Variants in PRKN observed in about 807,000 individuals in gnomAD.
PRKN encodes the protein parkin RBR E3 ubiquitin protein ligase.
PRKN carries 56 observed loss-of-function variants against 59.5 expected under a neutral mutation model. The ratio of observed to expected loss-of-function variants is 0.94; its 90% CI spans 0.76 to 1.18. The LOEUF is 1.18. Ranked by LOEUF, PRKN falls within the 50% of genes most tolerant of loss-of-function variation. The probability of loss-of-function intolerance (pLI) is 0.00; values close to 1 mark genes in which losing one functional copy is unlikely to be tolerated. For missense variants in PRKN, 657 were observed against 596.4 expected, an observed-to-expected ratio of 1.10 and a Z score of -1.06; for synonymous variants, 250 against 222.1, an observed-to-expected ratio of 1.13 and a Z score of -1.12.
chr6:162,205,786 C>G (rs981679879), intron 3 of PRKN, among the ~76,000 whole-genome samples: 4 of 152,130 alleles, frequency 2.6e-5, no homozygotes, highest in South Asian at 2.1e-4. Flanking sequence ...TAGCCATTAG[C>G]TACAACTACC....
At position 162,054,030 on chromosome 6, in the gene PRKN, A is replaced by G. The variant is rs113199678; in HGVS notation, c.618+61T>C. ...GACATTTTGTCTCTAATTTCCTGGC[A>G]AACAGTGAAGATGTCATCATTTTCT... On this transcript the variant is annotated intron_variant, in intron 5 of 11. Transcript: ENST00000366898. The G allele has an allele frequency of 2.2e-4, 241 of 1,089,892 alleles. No individual in the cohort carries two copies. In the African/African-American group the frequency reaches 3.3e-3, roughly 15 times the overall value. The allele number at this position is 1,089,892 out of a possible 1,614,324, so 67.5% of individuals were successfully genotyped here. A position where few individuals can be genotyped will look rare whatever the true frequency, so the allele number is the denominator to read the frequency against.
rs1777439833 is a variant in PRKN, at chr6:161,488,852, C to T, written c.1083+60002G>A. ...TAGGGGACCATGAAAGAAAACAGTA[C>T]ATTAACCAGGAAAAGGATGGCTGAT... On this transcript the variant is annotated intron_variant, in intron 9 of 11. Transcript: ENST00000366898. The surrounding 1 kb of genome is among the most constrained non-coding windows in gnomAD (Gnocchi z 4.5). 6.6e-6 allele frequency among the ~76,000 whole-genome samples: 1 copy of T among 152,078 alleles called. No individual in the cohort carries two copies. The highest frequency in any genetic ancestry group is 2.4e-5 in the African/African-American group (1 of 41,400).
intron 4 of PRKN, among the ~76,000 whole-genome samples, chr6:162,154,638 A>G (rs1183805193): frequency 6.6e-6 from 1 of 152,172 alleles, no homozygotes; most frequent in Non-Finnish European, 1.5e-5. Context: ...TTGCCTTGGT[A>G]CTAGTCACTA....
At chr6:162,524,657 C>A (rs972043782) in intron 1 of PRKN, among the ~76,000 whole-genome samples, 6 of 152,080 alleles carry the variant, frequency 3.9e-5, no homozygotes, top group Non-Finnish European at 8.8e-5. Context: ...ATTCATTTAC[C>A]AGCACCTAAA....
chr6:162,195,002 T>C (rs1784435086), intron 4 of PRKN, among the ~76,000 whole-genome samples: 1 of 152,146 alleles, frequency 6.6e-6, no homozygotes, highest in African/African-American at 2.4e-5. Flanking sequence ...AGGGCGACAG[T>C]GAACACGGGG....
chr6:162,354,441 C>T (rs1334072943), intron 2 of PRKN, among the ~76,000 whole-genome samples: 1 of 152,014 alleles, frequency 6.6e-6, no homozygotes, highest in East Asian at 1.9e-4. Flanking sequence ...CCTTCTAACT[C>T]TAAATGAGTA....
intron 9 of PRKN, among the ~76,000 whole-genome samples, chr6:161,426,978 C>A (rs1048739857): frequency 1.8e-4 from 28 of 152,054 alleles, no homozygotes; most frequent in African/African-American, 6.8e-4. Flanking sequence ...CTCAGCCTCC[C>A]AAAGTGCTGG....
intron 5 of PRKN, among the ~76,000 whole-genome samples, chr6:162,029,761 TAAC>T (rs1243701045): frequency 6.6e-6 from 1 of 152,226 alleles, no homozygotes; most frequent in Non-Finnish European, 1.5e-5. Context: ...TGGAAGGTGT[TAAC>T]AACTCCTTCC....
chr6:161,607,595 T>C (rs1447141535), intron 7 of PRKN, among the ~76,000 whole-genome samples: 1 of 152,110 alleles, frequency 6.6e-6, no homozygotes, highest in Non-Finnish European at 1.5e-5. Context: ...TGGAGAAATC[T>C]CTTTGAAAGA....
At chr6:161,727,893 T>A (rs936681624) in intron 7 of PRKN, among the ~76,000 whole-genome samples, 1 of 152,224 alleles carries the variant, frequency 6.6e-6, no homozygotes, top group Admixed American at 6.5e-5. Context: ...AAGATTAATT[T>A]AATGAAAAGA....
At chr6:162,005,120 G>A (rs1287868720) in intron 5 of PRKN, among the ~76,000 whole-genome samples, 1 of 152,130 alleles carries the variant, frequency 6.6e-6, no homozygotes, top group African/African-American at 2.4e-5. Context: ...TAAAAATCGA[G>A]CTAACGTTTA....
chr6:161,759,348 T>G (rs1477764625), intron 7 of PRKN, among the ~76,000 whole-genome samples: 1 of 152,070 alleles, frequency 6.6e-6, no homozygotes, highest in Non-Finnish European at 1.5e-5. Context: ...GTTGGTAGAA[T>G]GCATTGGATT....
At chr6:162,224,554 GAAGGAC>G (rs1778083054) in intron 3 of PRKN, among the ~76,000 whole-genome samples, 1 of 152,170 alleles carries the variant, frequency 6.6e-6, no homozygotes, top group Admixed American at 6.5e-5. Flanking sequence ...TGCATGTGGG[GAAGGAC>G]AAGTTGGAGA....
intron 4 of PRKN, among the ~76,000 whole-genome samples, chr6:162,063,534 G>A (rs1283696661): frequency 1.3e-5 from 2 of 152,094 alleles, no homozygotes; most frequent in South Asian, 2.1e-4. Flanking sequence ...CTTTGAAAAC[G>A]GTTTTGGAAT....
chr6:162,272,552 G>A (rs141045145), intron 2 of PRKN, among the ~76,000 whole-genome samples: 1 of 152,074 alleles, frequency 6.6e-6, no homozygotes, highest in African/African-American at 2.4e-5. Flanking sequence ...ACTCAGGCAC[G>A]TCGGGGAGGT....
chr6:162,198,635 G>A (rs533218268), intron 4 of PRKN, among the ~76,000 whole-genome samples: 1 of 151,968 alleles, frequency 6.6e-6, no homozygotes, highest in South Asian at 2.1e-4. Context: ...TTACCAAGTT[G>A]GCATAGGTAA....
At chr6:162,108,540 C>T (rs1458523226) in intron 4 of PRKN, among the ~76,000 whole-genome samples, 3 of 152,060 alleles carry the variant, frequency 2.0e-5, no homozygotes, top group Non-Finnish European at 4.4e-5. Context: ...GAACTCAAAT[C>T]GCAGAGTATT....
intron 4 of PRKN, among the ~76,000 whole-genome samples, chr6:162,131,559 G>C (rs534568946): frequency 1.4e-3 from 212 of 152,260 alleles, no homozygotes; most frequent in Middle Eastern, 3.4e-3. Flanking sequence ...ATAAGATCCA[G>C]GAATGAAATA....
chr6:161,729,942 TTTCTGATGTGTTGCA>T (rs1396685360), intron 7 of PRKN, among the ~76,000 whole-genome samples: 1 of 152,236 alleles, frequency 6.6e-6, no homozygotes, highest in African/African-American at 2.4e-5. Context: ...TGTTGCATTC[TTTCTGATGTGTTGCA>T]TTCTGATGTG....
Sources: gnomAD v4.1 joint callset for allele counts (sites outside exome capture counted in the v4.1 genomes callset) on GRCh38, gnomAD v4.1.1 for gene constraint, Gnocchi (gnomAD v3.1) non-coding constraint, MANE v1.5 for transcripts, NCBI Gene and HGNC (gene_info 2026-07-23, HGNC 2026-07-21) for gene names.